AHI1: variants seen among roughly 807,000 people sequenced by gnomAD.
AHI1 encodes the protein Abelson helper integration site 1.
In AHI1, 123 loss-of-function variants were observed where a neutral mutation model predicts 149.3. The observed-to-expected ratio is 0.82, with a 90% confidence interval of 0.71 to 0.96. The LOEUF (loss-of-function observed/expected upper bound fraction) is 0.96, where lower values mean the gene tolerates loss of function less well. Among genes scored for constraint, AHI1 ranks in the 40% least tolerant of loss-of-function variants. The probability of loss-of-function intolerance (pLI) is 0.00; values close to 1 mark genes in which losing one functional copy is unlikely to be tolerated. For synonymous variants in AHI1, 475 were observed against 459.8 expected (o/e 1.03, Z -0.42); for missense variants, 1,439 against 1,422.7 (o/e 1.01, Z -0.18).
intron 20 of AHI1, among the ~76,000 whole-genome samples, chr6:135,412,448 A>G (rs1317613894): frequency 2.0e-5 from 3 of 152,204 alleles, no homozygotes; most frequent in African/African-American, 4.8e-5. Context: ...TGCAAGAATA[A>G]TTACTTTCAT....
chr6:135,478,613 G>A (rs1480901048), intron 5 of AHI1, among the ~76,000 whole-genome samples: 2 of 152,228 alleles, frequency 1.3e-5, no homozygotes, highest in African/African-American at 2.4e-5. Flanking sequence ...GGGAAGCAGA[G>A]CACGAAAGTT....
chr6:135,399,282 C>G (rs1449692984), intron 22 of AHI1, among the ~76,000 whole-genome samples: 1 of 152,146 alleles, frequency 6.6e-6, no homozygotes, highest in African/African-American at 2.4e-5. Context: ...GGAAACAAAC[C>G]AACTAAAACT....
chr6:135,375,440 A>G (rs1287362204), intron 23 of AHI1, among the ~76,000 whole-genome samples: 1 of 152,206 alleles, frequency 6.6e-6, no homozygotes, highest in African/African-American at 2.4e-5. Context: ...AAATGTTTAG[A>G]AAAAGATTCA....
chr6:135,387,971 G>T, intron 23 of AHI1: 1 of 1,613,610 alleles, frequency 6.2e-7, no homozygotes, highest in South Asian at 1.1e-5. Flanking sequence ...CTGGCTGGCT[G>T]ACCCTGAGTC....
At chr6:135,337,770 GAAAAA>G (rs59397034) in intron 24 of AHI1, among the ~76,000 whole-genome samples, 4 of 121,028 alleles carry the variant, frequency 3.3e-5, no homozygotes, top group Non-Finnish European at 5.2e-5. Flanking sequence ...GTCTCAAAAA[GAAAAA>G]AAAAAAAAAA....
intron 23 of AHI1, among the ~76,000 whole-genome samples, chr6:135,369,951 A>G (rs1030783556): frequency 1.3e-5 from 2 of 152,156 alleles, no homozygotes; most frequent in Non-Finnish European, 2.9e-5. Context: ...TAAGTTATTT[A>G]ACATATGTGT....
At chr6:135,476,885 A>G (rs1344933394) in intron 5 of AHI1, among the ~76,000 whole-genome samples, 1 of 152,034 alleles carries the variant, frequency 6.6e-6, no homozygotes, top group Non-Finnish European at 1.5e-5. Flanking sequence ...CTTATAGTCA[A>G]CATATAGTTG....
chr6:135,494,249 G>A (rs1360821086), intron 3 of AHI1, among the ~76,000 whole-genome samples: 3 of 152,188 alleles, frequency 2.0e-5, no homozygotes, highest in Non-Finnish European at 2.9e-5. Flanking sequence ...TACCAGTGCC[G>A]ACTCAAAGGG....
chr6:135,352,353 C>A (rs1356350923), intron 24 of AHI1, among the ~76,000 whole-genome samples: 2 of 152,156 alleles, frequency 1.3e-5, no homozygotes, highest in Non-Finnish European at 2.9e-5. Flanking sequence ...GTCAAATTTT[C>A]TACCCATCTA....
chr6:135,477,004 G>A (rs1222324019), intron 5 of AHI1, among the ~76,000 whole-genome samples: 2 of 149,050 alleles, frequency 1.3e-5, no homozygotes, highest in African/African-American at 2.5e-5. Flanking sequence ...TTTCCTTTCT[G>A]TTTGTCCTAT....
rs564194723 is a variant in AHI1 at position 135,411,174 on chromosome 6, G to T, written c.2961+174C>A. ...GCATGATAGATTATCCTAAATTCAG[G>T]TTGTCTGTTGCAATTAAGGTTTTAG... On this transcript the variant is annotated intron_variant, in intron 21 of 28. Coordinates refer to ENST00000265602, the MANE Select transcript of AHI1 (RefSeq NM_001134831.2). Among the ~76,000 whole-genome samples, 5 of 152,258 alleles carry T rather than the reference G, an allele frequency of 3.3e-5. No individual in the cohort carries two copies. The South Asian group carries it at 1.0e-3, about 32-fold the overall frequency.
At chr6:135,484,866 C>G (rs945965617) in intron 5 of AHI1, among the ~76,000 whole-genome samples, 1 of 151,916 alleles carries the variant, frequency 6.6e-6, no homozygotes. Context: ...GGTCTTTTAT[C>G]CCTTTTAAGA....
chr6:135,367,563 C>A (rs1023924180), intron 23 of AHI1, among the ~76,000 whole-genome samples: 4 of 151,938 alleles, frequency 2.6e-5, no homozygotes, highest in African/African-American at 9.7e-5. Context: ...AAAATTTTTT[C>A]TTTGTCTTTG....
chr6:135,344,563 G>T, intron 24 of AHI1, among the ~76,000 whole-genome samples: 1 of 151,700 alleles, frequency 6.6e-6, no homozygotes, highest in Non-Finnish European at 1.5e-5. Context: ...AATGCCTATA[G>T]CTATGTGACC....
intron 17 of AHI1, 33 bp from the exon 18 acceptor site, chr6:135,430,033 A>C: frequency 1.6e-6 from 2 of 1,256,032 alleles, no homozygotes; most frequent in South Asian, 2.9e-5. Context: ...TACTACTGAA[A>C]AGTTTGTCTA....
At chr6:135,442,842 A>G (rs1209431672) in intron 13 of AHI1, 128 bp from the exon 14 acceptor site, 1 of 870,966 alleles carries the variant, frequency 1.1e-6, no homozygotes, top group East Asian at 2.8e-5. Flanking sequence ...ACAAGTACGC[A>G]GAATGGTGAA....
intron 27 of AHI1, among the ~76,000 whole-genome samples, chr6:135,293,100 A>G (rs1404950852): frequency 6.6e-6 from 1 of 152,232 alleles, no homozygotes; most frequent in Non-Finnish European, 1.5e-5. Context: ...TAACATTTGA[A>G]TATCAGTGTA....
chr6:135,304,007 T>C (rs761684111), intron 26 of AHI1, among the ~76,000 whole-genome samples: 5 of 152,238 alleles, frequency 3.3e-5, no homozygotes, highest in Non-Finnish European at 7.3e-5. Flanking sequence ...TCTTTGACTT[T>C]AGAATGTATG....
intron 26 of AHI1, among the ~76,000 whole-genome samples, chr6:135,316,421 C>G (rs1014289638): frequency 6.6e-6 from 1 of 152,010 alleles, no homozygotes; most frequent in Non-Finnish European, 1.5e-5. Context: ...CTTTACTCTG[C>G]TCTTTAATCC....
Sources: allele counts gnomAD v4.1 joint callset (sites outside exome capture counted in the v4.1 genomes callset), GRCh38; gene constraint gnomAD v4.1.1; transcripts MANE v1.5; gene names NCBI Gene and HGNC (gene_info 2026-07-23, HGNC 2026-07-21).